The following LRFN5 variants were observed in gnomAD, a reference collection of about 807,000 sequenced individuals.
LRFN5 encodes leucine-rich repeat and fibronectin type-III domain-containing protein 5.
LRFN5 carries 24 observed loss-of-function variants against 45.6 expected under a neutral mutation model. That is an observed-to-expected ratio of 0.53 (90% CI 0.38 to 0.74). The LOEUF is 0.74. Among genes scored for constraint, LRFN5 ranks in the 30% least tolerant of loss-of-function variants. LRFN5 has a pLI of 0.00. For synonymous variants in LRFN5, 340 were observed against 313.8 expected, an observed-to-expected ratio of 1.08 and a Z score of -0.88; for missense variants, 776 against 861.5, an observed-to-expected ratio of 0.90 and a Z score of 1.24.
At chr14:41,811,622 G>A (rs905624339) in intron 2 of LRFN5, among the ~76,000 whole-genome samples, 3 of 152,042 alleles carry the variant, frequency 2.0e-5, no homozygotes, top group Admixed American at 6.6e-5. Context: ...GTACTACAAA[G>A]TGCATGAATC....
intron 1 of LRFN5, among the ~76,000 whole-genome samples, chr14:41,646,010 G>T (rs1233386243): frequency 6.6e-6 from 1 of 151,972 alleles, no homozygotes; most frequent in Non-Finnish European, 1.5e-5. Context: ...CACAATAATT[G>T]TACATATTTG....
intron 1 of LRFN5, among the ~76,000 whole-genome samples, chr14:41,612,738 T>G (rs1304130015): frequency 6.6e-6 from 1 of 152,102 alleles, no homozygotes; most frequent in Non-Finnish European, 1.5e-5. Flanking sequence ...ATGTGCATGG[T>G]GAAATTAAGA....
At chr14:41,688,321 T>C (rs1489438657) in intron 1 of LRFN5, among the ~76,000 whole-genome samples, 1 of 152,134 alleles carries the variant, frequency 6.6e-6, no homozygotes. Flanking sequence ...TATAGTTGGA[T>C]TGTCTGAAAC....
At chr14:41,717,007 C>T (rs1454342155) in intron 1 of LRFN5, among the ~76,000 whole-genome samples, 3 of 152,084 alleles carry the variant, frequency 2.0e-5, no homozygotes, top group Non-Finnish European at 4.4e-5. Flanking sequence ...CTTTGTTTTT[C>T]GTCAAACCAA....
At chr14:41,806,043 C>A (rs1206334215) in intron 2 of LRFN5, among the ~76,000 whole-genome samples, 2 of 152,084 alleles carry the variant, frequency 1.3e-5, no homozygotes, top group Non-Finnish European at 2.9e-5. Context: ...GTTTGCTAGC[C>A]CCTGGCAGCC....
At chr14:41,677,459 T>C (rs920212733) in intron 1 of LRFN5, among the ~76,000 whole-genome samples, 1 of 152,098 alleles carries the variant, frequency 6.6e-6, no homozygotes, top group African/African-American at 2.4e-5. Context: ...ATTATAATTA[T>C]ATTTAAAGAA....
chr14:41,743,657 A>C (rs1884800611), intron 1 of LRFN5, among the ~76,000 whole-genome samples: 1 of 152,154 alleles, frequency 6.6e-6, no homozygotes. Flanking sequence ...CATGTATTTA[A>C]AAATTGTTAA....
At chr14:41,643,165 A>G (rs1879657721) in intron 1 of LRFN5, among the ~76,000 whole-genome samples, 1 of 152,190 alleles carries the variant, frequency 6.6e-6, no homozygotes, top group Non-Finnish European at 1.5e-5. Flanking sequence ...ATGATTACCT[A>G]GGTAGATATT....
In LRFN5 at chr14:41,615,686, C is replaced by T. The variant is rs544833784; in HGVS notation, c.-197+7124C>T. 3.9e-5 allele frequency among the ~76,000 whole-genome samples: 6 copies of T among 152,132 alleles called. No homozygotes were observed. The East Asian group carries it at 9.7e-4, about 24-fold the overall frequency. ...CAAGAAAATGCTGTAACTCTCCAGC[C>T]GGCACTCATTTTAGATGTTACCATT... On this transcript the variant is annotated intron_variant, in intron 1 of 5. Transcript: ENST00000298119.
At chr14:41,734,061 T>C (rs1282733815) in intron 1 of LRFN5, among the ~76,000 whole-genome samples, 2 of 144,596 alleles carry the variant, frequency 1.4e-5, no homozygotes, top group East Asian at 2.0e-4. Flanking sequence ...GTTTCACTCT[T>C]ATTGCCCAGG....
intron 1 of LRFN5, among the ~76,000 whole-genome samples, chr14:41,679,751 T>G (rs990692449): frequency 6.6e-6 from 1 of 152,090 alleles, no homozygotes; most frequent in African/African-American, 2.4e-5. Flanking sequence ...AAGGGGAGTT[T>G]TTCTTACTGC....
At chr14:41,778,820 T>C (rs1294145497) in intron 2 of LRFN5, among the ~76,000 whole-genome samples, 5 of 151,862 alleles carry the variant, frequency 3.3e-5, no homozygotes, top group African/African-American at 9.7e-5. Flanking sequence ...TGAATTGTTG[T>C]ACATGTGCAC....
At chr14:41,745,456 C>A (rs1884883143) in intron 1 of LRFN5, among the ~76,000 whole-genome samples, 1 of 152,014 alleles carries the variant, frequency 6.6e-6, no homozygotes, top group Non-Finnish European at 1.5e-5. Flanking sequence ...AACAACCCAA[C>A]TTTACAATTT....
At chr14:41,823,654 G>T (rs551287782) in intron 2 of LRFN5, among the ~76,000 whole-genome samples, 1 of 152,090 alleles carries the variant, frequency 6.6e-6, no homozygotes, top group Admixed American at 6.5e-5. Context: ...TTTTTCAGTA[G>T]GTTTTTGAGT....
chr14:41,870,983 G>C (rs1277117966), intron 2 of LRFN5, among the ~76,000 whole-genome samples: 1 of 151,378 alleles, frequency 6.6e-6, no homozygotes, highest in Non-Finnish European at 1.5e-5. Flanking sequence ...TAGATTATCA[G>C]TACATATTAG....
At chr14:41,619,198 A>G (rs934981990) in intron 1 of LRFN5, among the ~76,000 whole-genome samples, 1 of 151,990 alleles carries the variant, frequency 6.6e-6, no homozygotes, top group African/African-American at 2.4e-5. Context: ...TTTACTACTC[A>G]TTTCTTTTGT....
intron 1 of LRFN5, among the ~76,000 whole-genome samples, chr14:41,711,007 G>T (rs563103019): frequency 4.2e-4 from 61 of 144,488 alleles, no homozygotes; most frequent in Non-Finnish European, 3.4e-4. Context: ...CATCTGACTT[G>T]CATATTTAGA....
intron 2 of LRFN5, among the ~76,000 whole-genome samples, chr14:41,796,003 G>T (rs1241235711): frequency 6.6e-6 from 1 of 151,468 alleles, no homozygotes; most frequent in Non-Finnish European, 1.5e-5. Context: ...TCTTAGTAAT[G>T]GGCATATTAC....
intron 2 of LRFN5, among the ~76,000 whole-genome samples, chr14:41,777,994 G>A (rs1202375368): frequency 7.8e-6 from 1 of 128,316 alleles, no homozygotes; most frequent in East Asian, 3.0e-4. Flanking sequence ...AAGATGCATG[G>A]GATCCTTTTT....
Sources: allele counts gnomAD v4.1 joint callset (sites outside exome capture counted in the v4.1 genomes callset), GRCh38; gene constraint gnomAD v4.1.1; transcripts MANE v1.5; gene names NCBI Gene and HGNC (gene_info 2026-07-23, HGNC 2026-07-21).